Variants in RB1CC1 observed in about 807,000 individuals in gnomAD.
The protein encoded by RB1CC1 is RB1 inducible coiled-coil 1.
Under a neutral mutation model 177.5 loss-of-function variants are expected in RB1CC1, and 46 were observed. The ratio of observed to expected loss-of-function variants is 0.26; its 90% CI spans 0.20 to 0.33. The LOEUF is 0.33. Among genes scored for constraint, RB1CC1 ranks in the 10% least tolerant of loss-of-function variants. The pLI, the probability that RB1CC1 is intolerant of heterozygous loss-of-function variation, is 1.00. For synonymous variants in RB1CC1, 666 were observed against 613.6 expected (o/e 1.09, Z -1.26); for missense variants, 1,703 against 1,816.3 (o/e 0.94, Z 1.13).
chr8:52,700,018 T>C (rs1855903934), intron 1 of RB1CC1, among the ~76,000 whole-genome samples: 1 of 151,606 alleles, frequency 6.6e-6, no homozygotes, highest in Non-Finnish European at 1.5e-5. Context: ...AATACCTACC[T>C]ACTGGCACAA....
intron 6 of RB1CC1, among the ~76,000 whole-genome samples, chr8:52,675,734 A>AAAAAAAAAAC (rs1853055531): frequency 6.7e-6 from 1 of 149,980 alleles, no homozygotes; most frequent in African/African-American, 2.4e-5. Context: ...AAAAAAAAAA[A>AAAAAAAAAAC]AAATTAGCTG....
At chr8:52,704,367 CCAAAAAGTT>C (rs984705396) in intron 1 of RB1CC1, among the ~76,000 whole-genome samples, 6 of 150,914 alleles carry the variant, frequency 4.0e-5, no homozygotes, top group African/African-American at 1.5e-4. Flanking sequence ...TACCTGCCTT[CCAAAAAGTT>C]CAATAATACT....
chr8:52,654,066 G>T (rs1470276095), intron 15 of RB1CC1, among the ~76,000 whole-genome samples: 1 of 152,214 alleles, frequency 6.6e-6, no homozygotes, highest in Non-Finnish European at 1.5e-5. Flanking sequence ...CATTAAGTAT[G>T]TGTCCTGTCC....
chr8:52,645,640 T>C (rs1283971599), intron 16 of RB1CC1, 62 bp downstream of exon 16: 3 of 1,505,026 alleles, frequency 2.0e-6, no homozygotes, highest in Non-Finnish European at 1.8e-6. Context: ...AAAGAAATTA[T>C]ATTTGTTAAT....
At chr8:52,667,035 T>A (rs1203403252) in intron 8 of RB1CC1, among the ~76,000 whole-genome samples, 1 of 152,208 alleles carries the variant, frequency 6.6e-6, no homozygotes, top group East Asian at 1.9e-4. Flanking sequence ...AAGCCCAAAG[T>A]AGGATAAATA....
At chr8:52,652,290 C>A (rs923727405) in intron 15 of RB1CC1, among the ~76,000 whole-genome samples, 1 of 151,870 alleles carries the variant, frequency 6.6e-6, no homozygotes, top group Non-Finnish European at 1.5e-5. Flanking sequence ...CATGGCGAAA[C>A]CCCATCTCTA....
At chr8:52,653,344 C>A (rs986637424) in intron 15 of RB1CC1, among the ~76,000 whole-genome samples, 1 of 152,042 alleles carries the variant, frequency 6.6e-6, no homozygotes, top group East Asian at 1.9e-4. Flanking sequence ...CACTTCACCA[C>A]CAGAAACATA....
rs558834451 is a variant in RB1CC1, at chr8:52,640,580, CATATT to C, written c.4337+1766_4337+1770del. 2.9e-3 allele frequency among the ~76,000 whole-genome samples: 445 copies of C among 152,198 alleles called. 1 individual carries two copies. Among genetic ancestry groups the C allele is most frequent in the South Asian group, 0.014 (69 of 4,816 alleles). ...TTTTCCCTTCTATATCTTTCTGAAT[CATATT>C]ATAGTAAACTTTCTGTATCATTTGG... On this transcript the variant is annotated intron_variant, in intron 18 of 23. Coordinates refer to ENST00000025008, the MANE Select transcript of RB1CC1 (RefSeq NM_014781.5).
intron 15 of RB1CC1, among the ~76,000 whole-genome samples, chr8:52,650,848 C>T (rs1295523765): frequency 6.6e-6 from 1 of 152,150 alleles, no homozygotes; most frequent in Non-Finnish European, 1.5e-5. Context: ...CTCCAAATCC[C>T]ACCAAACCTT....
intron 18 of RB1CC1, among the ~76,000 whole-genome samples, chr8:52,639,346 A>G (rs1849393699): frequency 1.3e-5 from 2 of 152,112 alleles, no homozygotes; most frequent in South Asian, 4.1e-4. Context: ...TTTTGCTGGT[A>G]AATATGCAAA....
chr8:52,661,067 C>G (rs1851580983), intron 10 of RB1CC1, 28 bp downstream of exon 10: 2 of 1,610,982 alleles, frequency 1.2e-6, no homozygotes, highest in Non-Finnish European at 1.7e-6. Context: ...AGTTCATATA[C>G]AGTTAAAATA....
intron 1 of RB1CC1, among the ~76,000 whole-genome samples, chr8:52,691,577 T>C (rs910228194): frequency 2.0e-5 from 3 of 152,212 alleles, no homozygotes; most frequent in African/African-American, 7.2e-5. Flanking sequence ...GAACCTAAAA[T>C]TTGACTCCAG....
chr8:52,693,176 G>T (rs1855062596), intron 1 of RB1CC1, among the ~76,000 whole-genome samples: 1 of 152,074 alleles, frequency 6.6e-6, no homozygotes, highest in Admixed American at 6.6e-5. Context: ...AACCCTAGAA[G>T]AATACCTAGG....
rs1183407164 is a variant in RB1CC1 at position 52,698,670 on chromosome 8, G to GTTTTTTTTTTT, written c.-166-11714_-166-11704dup. ...ACAAAAACTGTATATGTAATGGTTG[G>GTTTTTTTTTTT]TTTTTTTTTTTTTTTTTTTTTTTTT... On this transcript the variant is annotated intron_variant, in intron 1 of 23. Coordinates refer to ENST00000025008, the MANE Select transcript of RB1CC1 (RefSeq NM_014781.5). Among the ~76,000 whole-genome samples the GTTTTTTTTTTT allele has an allele frequency of 1.6e-4, 12 of 77,400 alleles. 2 individuals are homozygous for GTTTTTTTTTTT. Among genetic ancestry groups the GTTTTTTTTTTT allele is most frequent in the Non-Finnish European group, 2.4e-4 (10 of 41,430 alleles). The allele number at this position is 77,400 out of a possible 152,430, so 50.8% of individuals were successfully genotyped here.
chr8:52,652,056 T>G (rs1279973725), intron 15 of RB1CC1, among the ~76,000 whole-genome samples: 2 of 152,210 alleles, frequency 1.3e-5, no homozygotes, highest in East Asian at 3.8e-4. Context: ...TCCAATTGCA[T>G]TCAGCATAAG....
At chr8:52,670,431 C>A (rs1208448718) in intron 7 of RB1CC1, among the ~76,000 whole-genome samples, 1 of 152,110 alleles carries the variant, frequency 6.6e-6, no homozygotes, top group African/African-American at 2.4e-5. Flanking sequence ...CAAAGGCTAA[C>A]ATTATTTTTA....
chr8:52,668,276 G>C (rs1260350626), intron 7 of RB1CC1, 85 bp from the exon 8 acceptor site: 1 of 1,434,928 alleles, frequency 7.0e-7, no homozygotes, highest in Non-Finnish European at 9.4e-7. Flanking sequence ...TACAGCTTGA[G>C]AGAAAATAAG....
intron 1 of RB1CC1, among the ~76,000 whole-genome samples, chr8:52,699,101 T>C (rs1855755108): frequency 1.3e-5 from 2 of 152,172 alleles, no homozygotes; most frequent in African/African-American, 2.4e-5. Context: ...GGTACTGAAT[T>C]GGTAATACTC....
chr8:52,652,295 T>G (rs936426015), intron 15 of RB1CC1, among the ~76,000 whole-genome samples: 1 of 151,892 alleles, frequency 6.6e-6, no homozygotes, highest in Non-Finnish European at 1.5e-5. Flanking sequence ...CGAAACCCCA[T>G]CTCTACTAAA....
Sources: allele counts gnomAD v4.1 joint callset (sites outside exome capture counted in the v4.1 genomes callset), GRCh38; gene constraint gnomAD v4.1.1; transcripts MANE v1.5; gene names NCBI Gene and HGNC (gene_info 2026-07-23, HGNC 2026-07-21).